The following TMEM132E variants were observed in gnomAD, a reference collection of about 807,000 sequenced individuals.
TMEM132E encodes the protein transmembrane protein 132E.
TMEM132E carries 49 observed loss-of-function variants against 78.5 expected under a neutral mutation model. The ratio of observed to expected loss-of-function variants is 0.62; its 90% CI spans 0.50 to 0.79. The LOEUF is 0.79. Ranked by LOEUF, TMEM132E falls within the 30% of genes least tolerant of loss-of-function variation. The probability of loss-of-function intolerance (pLI) is 0.00; values close to 1 mark genes in which losing one functional copy is unlikely to be tolerated. For missense variants in TMEM132E, 1,403 were observed against 1,470.9 expected, an observed-to-expected ratio of 0.95 and a Z score of 0.75; for synonymous variants, 715 against 670.6, an observed-to-expected ratio of 1.07 and a Z score of -1.02.
intron 1 of TMEM132E, among the ~76,000 whole-genome samples, chr17:34,611,612 G>T (rs1000079695): frequency 1.3e-5 from 2 of 152,196 alleles, no homozygotes; most frequent in African/African-American, 2.4e-5. Flanking sequence ...ATCAGGGAGG[G>T]CCCTGTGGGG....
intron 1 of TMEM132E, among the ~76,000 whole-genome samples, chr17:34,601,980 C>T (rs1208272681): frequency 2.6e-5 from 4 of 152,236 alleles, no homozygotes; most frequent in Non-Finnish European, 5.9e-5. Flanking sequence ...CATTTGGACT[C>T]ACAGTCTAGT....
chr17:34,584,063 G>A (rs779035855), intron 1 of TMEM132E, among the ~76,000 whole-genome samples: 27 of 152,180 alleles, frequency 1.8e-4, no homozygotes, highest in Non-Finnish European at 2.6e-4. Flanking sequence ...CTGTTAGAGG[G>A]CTGATTATGT....
At chr17:34,631,955 G>T (rs930010235) in intron 5 of TMEM132E, among the ~76,000 whole-genome samples, 1 of 152,218 alleles carries the variant, frequency 6.6e-6, no homozygotes, top group African/African-American at 2.4e-5. Flanking sequence ...CTGTGAGTGG[G>T]CACAGGTATC....
rs779256007 is a variant in TMEM132E at position 34,628,724 on chromosome 17, G to A, written c.1145+15G>A. The A allele has an allele frequency of 4.4e-6, 7 of 1,573,384 alleles. No homozygotes were observed. Among genetic ancestry groups the A allele is most frequent in the Non-Finnish European group, 6.0e-6 (7 of 1,158,398 alleles). On this transcript the variant is annotated intron_variant, in intron 3 of 8. Coordinates refer to ENST00000631683, the MANE Select transcript of TMEM132E (RefSeq NM_001304438.2). ...CTGCCCCCCAGGTGAGCCCGAGGTG[G>A]TGCATCTACCCACCTCTTCGCAAAG...
Position 34,638,264 on chromosome 17 carries a change from C to G in TMEM132E, c.*32C>G, listed in dbSNP as rs531401547. 7 of 1,473,366 alleles carry G rather than the reference C, an allele frequency of 4.8e-6. No homozygotes were observed. Among genetic ancestry groups the G allele is most frequent in the Non-Finnish European group, 3.6e-6 (4 of 1,113,006 alleles). The allele number at this position is 1,473,366 out of a possible 1,614,324, so 91.3% of individuals were successfully genotyped here. The stretch of plus-strand genomic sequence containing the variant: ...CAGCCGGAGTAGCAGGGACCCCCCC[C>G]CCCAACGGGGTCAGCTCGGGGTAGG... On this transcript the variant is annotated 3_prime_UTR_variant, in exon 9 of 9. Coordinates refer to ENST00000631683, the MANE Select transcript of TMEM132E (RefSeq NM_001304438.2).
rs910059417 is a variant in TMEM132E at position 34,638,369 on chromosome 17, G to A, written c.*137G>A. 7.6e-5 allele frequency: 76 copies of A among 996,990 alleles called. 1 individual carries two copies. In the African/African-American group the frequency reaches 8.9e-4, roughly 12 times the overall value. 61.8% of individuals were successfully genotyped at this position (996,990 alleles called of 1,614,324 possible). On this transcript the variant is annotated 3_prime_UTR_variant, in exon 9 of 9. Transcript: ENST00000631683. Reference sequence around the variant, plus strand: ...CTCCCTGCCCCTGCAGCTTGGCTCCGTGCGGAGCGGGCCGCCTCAGTGTCT... The same window carrying A: ...CTCCCTGCCCCTGCAGCTTGGCTCCATGCGGAGCGGGCCGCCTCAGTGTCT...
chr17:34,602,305 G>A (rs1906268750), intron 1 of TMEM132E, among the ~76,000 whole-genome samples: 1 of 152,248 alleles, frequency 6.6e-6, no homozygotes, highest in Non-Finnish European at 1.5e-5. Context: ...GATTGAGGCA[G>A]CAGCATATTG....
intron 1 of TMEM132E, among the ~76,000 whole-genome samples, chr17:34,598,532 C>T (rs1906130042): frequency 6.6e-6 from 1 of 152,056 alleles, no homozygotes; most frequent in Admixed American, 6.5e-5. Flanking sequence ...GGAAGCTCAG[C>T]AGGCAGAGGC....
Position 34,637,218 on chromosome 17 carries a change from C to T in TMEM132E, c.2211C>T (p.Thr737=). 6.2e-7 allele frequency: 1 copy of T among 1,611,812 alleles called. No homozygotes were observed. ...LSLWLSYSDG[T]TAPLSLYSPR... Reference sequence around the variant, plus strand: ...TCTGGCTCTCCTACAGTGATGGCACCACAGCCCCACTCTCCCTCTACAGCC... The same window carrying T: ...TCTGGCTCTCCTACAGTGATGGCACTACAGCCCCACTCTCCCTCTACAGCC... The change falls in exon 9 of 9, where the codon ACC becomes ACT. Residue 737 remains threonine (T), a synonymous_variant. Transcript: ENST00000631683.
At position 34,605,167 on chromosome 17, in the gene TMEM132E, G is replaced by C. The variant is rs149998682; in HGVS notation, c.68-20960G>C. ...ATTTTCTTATGTAATCAGCCATGAC[G>C]TCCTAAGTGAGTGGATTCAGGTCCC... is the stretch of plus-strand genomic sequence containing the variant. On this transcript the variant is annotated intron_variant, in intron 1 of 8. Coordinates refer to ENST00000631683, the MANE Select transcript of TMEM132E (RefSeq NM_001304438.2). Among the ~76,000 whole-genome samples the C allele has an allele frequency of 2.9e-3, 435 of 152,278 alleles. 4 individuals are homozygous for C. Among genetic ancestry groups the C allele is most frequent in the African/African-American group, 0.01 (420 of 41,564 alleles).
rs1907557112 is a variant in TMEM132E at position 34,637,374 on chromosome 17, C to T, written c.2367C>T (p.Ile789=). 1.2e-6 allele frequency: 2 copies of T among 1,613,954 alleles called. No homozygotes were observed. The highest frequency in any genetic ancestry group is 1.7e-5 in the Admixed American group (1 of 60,036). ...AGCTGCTTCGCGCAGAGCTAACCAT[C>T]GCTGAGAGCTGCCAGAAAACCAAAC... is the stretch of plus-strand genomic sequence containing the variant. ...SGELLRAELT[I]AESCQKTKRK... Residue 789 remains isoleucine (I), a synonymous_variant, in exon 9 of 9, where the codon ATC becomes ATT. Coordinates refer to ENST00000631683, the MANE Select transcript of TMEM132E (RefSeq NM_001304438.2).
chr17:34,607,468 T>C (rs150921282), intron 1 of TMEM132E, among the ~76,000 whole-genome samples: 90 of 152,272 alleles, frequency 5.9e-4, no homozygotes, highest in African/African-American at 2.1e-3. Flanking sequence ...ACACCAAATG[T>C]GCAGGATTTT....
chr17:34,588,445 T>C (rs1196154492), intron 1 of TMEM132E, among the ~76,000 whole-genome samples: 3 of 152,234 alleles, frequency 2.0e-5, no homozygotes, highest in Non-Finnish European at 1.5e-5. Flanking sequence ...AGGCAACTGA[T>C]GACTTGTCAA....
At chr17:34,613,712 G>A (rs1043565002) in intron 1 of TMEM132E, among the ~76,000 whole-genome samples, 6 of 151,720 alleles carry the variant, frequency 4.0e-5, no homozygotes, top group African/African-American at 1.2e-4. Flanking sequence ...TTATTGCGGG[G>A]GTCTCTCTCC....
At chr17:34,581,729 G>T (rs1043768963) in intron 1 of TMEM132E, among the ~76,000 whole-genome samples, 1 of 151,980 alleles carries the variant, frequency 6.6e-6, no homozygotes, top group African/African-American at 2.4e-5. Flanking sequence ...CGGAGGGCGG[G>T]GGTCTGGGCA....
At chr17:34,601,875 C>T (rs577322981) in intron 1 of TMEM132E, among the ~76,000 whole-genome samples, 3 of 152,304 alleles carry the variant, frequency 2.0e-5, no homozygotes, top group African/African-American at 2.4e-5. Flanking sequence ...TCATCCCTGC[C>T]GATGCCTCAG....
chr17:34,582,733 G>T (rs913510779), intron 1 of TMEM132E, among the ~76,000 whole-genome samples: 1 of 152,096 alleles, frequency 6.6e-6, no homozygotes. Flanking sequence ...GAGCTGCATG[G>T]GCTGCACTTG....
intron 5 of TMEM132E, among the ~76,000 whole-genome samples, chr17:34,632,401 C>T (rs1012043069): frequency 6.6e-6 from 1 of 152,246 alleles, no homozygotes; most frequent in Non-Finnish European, 1.5e-5. Context: ...CACCCTGGAG[C>T]GTCCTCCAAA....
At chr17:34,625,207 A>G (rs757660830) in intron 1 of TMEM132E, among the ~76,000 whole-genome samples, 9 of 152,168 alleles carry the variant, frequency 5.9e-5, no homozygotes, top group Non-Finnish European at 8.8e-5. Flanking sequence ...GGGAGGGAGG[A>G]CAAGGGGCAG....
Sources: gnomAD v4.1 joint callset for allele counts (sites outside exome capture counted in the v4.1 genomes callset) on GRCh38, gnomAD v4.1.1 for gene constraint, MANE v1.5 for transcripts, NCBI Gene and HGNC (gene_info 2026-07-23, HGNC 2026-07-21) for gene names.